Variants in NELL1 observed in about 807,000 individuals in gnomAD.
NELL1 encodes the protein protein kinase C-binding protein NELL1.
NELL1 carries 76 observed loss-of-function variants against 107.4 expected under a neutral mutation model. The ratio of observed to expected loss-of-function variants is 0.71; its 90% CI spans 0.59 to 0.86. The LOEUF is 0.86. Ranked by LOEUF, NELL1 falls within the 40% of genes least tolerant of loss-of-function variation. The pLI is 0.00. For missense variants in NELL1, 1,024 were observed against 1,005.5 expected (o/e 1.02, Z -0.25); for synonymous variants, 353 against 341.2 (o/e 1.03, Z -0.38).
chr11:21,103,939 CT>C (rs1411601983), intron 12 of NELL1, among the ~76,000 whole-genome samples: 3 of 152,190 alleles, frequency 2.0e-5, no homozygotes, highest in Non-Finnish European at 2.9e-5. Flanking sequence ...ATTGATACAG[CT>C]TCTGTGAAGG....
rs1362621980 is a variant in NELL1, at chr11:20,818,484, C to T, written c.336-29099C>T. ...AGAAATTGAGTAGTTTGTCCAAAGT[C>T]ATACAGATAGAAAATGGCAGAGCCA... is the stretch of plus-strand genomic sequence containing the variant. On this transcript the variant is annotated intron_variant, in intron 3 of 19. Coordinates refer to ENST00000357134, the MANE Select transcript of NELL1 (RefSeq NM_006157.5). 8.9e-5 allele frequency among the ~76,000 whole-genome samples: 13 copies of T among 146,360 alleles called. No homozygotes were observed. The East Asian group carries it at 2.4e-3, about 27-fold the overall frequency.
chr11:21,352,052 C>T (rs1850830030), intron 14 of NELL1, among the ~76,000 whole-genome samples: 1 of 152,080 alleles, frequency 6.6e-6, no homozygotes, highest in Non-Finnish European at 1.5e-5. Flanking sequence ...CTCCATGAAG[C>T]CTTTATGCTA....
intron 13 of NELL1, among the ~76,000 whole-genome samples, chr11:21,225,842 C>G (rs1169117934): frequency 1.3e-5 from 2 of 152,018 alleles, no homozygotes; most frequent in African/African-American, 4.8e-5. Flanking sequence ...AAATTTTCTA[C>G]CTATATTAAT....
At chr11:21,291,676 A>T (rs985091583) in intron 14 of NELL1, among the ~76,000 whole-genome samples, 5 of 152,232 alleles carry the variant, frequency 3.3e-5, no homozygotes, top group Non-Finnish European at 7.3e-5. Context: ...AGAAATCCTC[A>T]GTAAAATACT....
At chr11:21,188,932 A>G (rs776360518) in intron 13 of NELL1, among the ~76,000 whole-genome samples, 17 of 151,882 alleles carry the variant, frequency 1.1e-4, no homozygotes, top group Non-Finnish European at 2.5e-4. Context: ...ACATGTTGTC[A>G]TATATACCGT....
chr11:20,803,985 G>A lies in NELL1; in HGVS notation c.335+20155G>A, dbSNP rs111801432. ...CCCAGTTTCTTCAGCTTTGGAACTC[G>A]GACTGACTCTCCTTGCTCCTTAGCC... On this transcript the variant is annotated intron_variant, in intron 3 of 19. Coordinates refer to ENST00000357134, the MANE Select transcript of NELL1 (RefSeq NM_006157.5). 1.6e-3 allele frequency among the ~76,000 whole-genome samples: 236 copies of A among 152,116 alleles called. 2 individuals carry two copies. The highest frequency in any genetic ancestry group is 0.01 in the Middle Eastern group (3 of 292).
At chr11:21,459,357 C>CAAAAAAAAAA (rs59022976) in intron 15 of NELL1, among the ~76,000 whole-genome samples, 20 of 124,578 alleles carry the variant, frequency 1.6e-4, no homozygotes, top group East Asian at 7.5e-4. Context: ...TGTTCACTAG[C>CAAAAAAAAAA]AAAAAAAAAA....
At chr11:20,805,546 G>A (rs1857364528) in intron 3 of NELL1, among the ~76,000 whole-genome samples, 1 of 152,048 alleles carries the variant, frequency 6.6e-6, no homozygotes, top group African/African-American at 2.4e-5. Flanking sequence ...TTGAGATGGA[G>A]TCTCGCTCTA....
intron 15 of NELL1, among the ~76,000 whole-genome samples, chr11:21,482,264 T>C (rs962839693): frequency 1.3e-5 from 2 of 152,166 alleles, no homozygotes; most frequent in Non-Finnish European, 2.9e-5. Flanking sequence ...TAGTGTTGAG[T>C]AATCTCCAAC....
intron 2 of NELL1, among the ~76,000 whole-genome samples, chr11:20,695,777 T>C (rs189368275): frequency 1.5e-3 from 228 of 152,238 alleles, no homozygotes; most frequent in African/African-American, 5.1e-3. Context: ...AACAGGGTGA[T>C]GCTGGCTTCG....
intron 2 of NELL1, among the ~76,000 whole-genome samples, chr11:20,723,652 CT>C (rs1318552872): frequency 4.6e-5 from 7 of 152,072 alleles, no homozygotes; most frequent in Non-Finnish European, 8.8e-5. Flanking sequence ...TAACCTGTTG[CT>C]GGATCTATCA....
intron 13 of NELL1, among the ~76,000 whole-genome samples, chr11:21,145,082 T>G (rs1855948519): frequency 6.6e-6 from 1 of 152,150 alleles, no homozygotes; most frequent in African/African-American, 2.4e-5. Flanking sequence ...CTTGGAAAAA[T>G]GCCAGGTACA....
In NELL1 at chr11:21,575,074, G is replaced by A. The variant is rs752148846; in HGVS notation, c.*52G>A. On this transcript the variant is annotated 3_prime_UTR_variant, in exon 20 of 20. Coordinates refer to ENST00000357134, the MANE Select transcript of NELL1 (RefSeq NM_006157.5). The stretch of plus-strand genomic sequence containing the variant: ...AGAATGGACGAAATGACCATCCAAC[G>A]TGATTAAGGATAGGAATCGGTAGTT... 14 of 1,446,684 alleles carry A rather than the reference G, an allele frequency of 9.7e-6. No homozygotes were observed. The highest frequency in any genetic ancestry group is 2.3e-5 in the South Asian group (2 of 87,544). The allele number at this position is 1,446,684 out of a possible 1,614,324, so 89.6% of individuals were successfully genotyped here.
At chr11:21,303,248 T>A (rs1287729110) in intron 14 of NELL1, among the ~76,000 whole-genome samples, 1 of 152,038 alleles carries the variant, frequency 6.6e-6, no homozygotes, top group East Asian at 1.9e-4. Context: ...CAGCTGGTTA[T>A]CTAAAACATA....
At chr11:21,182,002 A>G (rs1021534807) in intron 13 of NELL1, among the ~76,000 whole-genome samples, 3 of 151,942 alleles carry the variant, frequency 2.0e-5, no homozygotes, top group African/African-American at 7.3e-5. Flanking sequence ...AAATACTGTT[A>G]TTATCCCAAT....
intron 15 of NELL1, chr11:21,383,654 C>T (rs1199963106): frequency 6.8e-6 from 1 of 146,018 alleles, no homozygotes. Flanking sequence ...TACACACCTA[C>T]AGATTTATAT....
chr11:20,708,398 G>A (rs2133892459), intron 2 of NELL1, among the ~76,000 whole-genome samples: 1 of 152,312 alleles, frequency 6.6e-6, no homozygotes, highest in East Asian at 1.9e-4. Flanking sequence ...TGGAAATGCA[G>A]AAATCACCCG....
chr11:21,051,191 T>C (rs1299543369), intron 12 of NELL1, among the ~76,000 whole-genome samples: 4 of 152,266 alleles, frequency 2.6e-5, no homozygotes, highest in African/African-American at 9.6e-5. Flanking sequence ...TACCATGGAA[T>C]ACTACTCAGC....
At chr11:20,716,837 C>T (rs1041026682) in intron 2 of NELL1, among the ~76,000 whole-genome samples, 1 of 152,146 alleles carries the variant, frequency 6.6e-6, no homozygotes, top group Non-Finnish European at 1.5e-5. Context: ...ATTAGAACAG[C>T]ATTGGGTATG....
Sources: gnomAD v4.1 joint callset for allele counts (sites outside exome capture counted in the v4.1 genomes callset) on GRCh38, gnomAD v4.1.1 for gene constraint, MANE v1.5 for transcripts, NCBI Gene and HGNC (gene_info 2026-07-23, HGNC 2026-07-21) for gene names.